The following MYH11 variants were observed in gnomAD, a reference collection of about 807,000 sequenced individuals.
MYH11 encodes myosin heavy chain 11.
In MYH11, 80 loss-of-function variants were observed where a neutral mutation model predicts 246.6. The observed-to-expected ratio is 0.32, with a 90% confidence interval of 0.27 to 0.39. The LOEUF (loss-of-function observed/expected upper bound fraction) is 0.39. Among genes scored for constraint, MYH11 ranks in the 10% least tolerant of loss-of-function variants. The pLI is 1.00. For synonymous variants in MYH11, 1,071 were observed against 1,015.5 expected (o/e 1.05, Z -1.04); for missense variants, 2,158 against 2,546.8 (o/e 0.85, Z 3.29).
At chr16:15,707,747 G>A (rs894379425) in intron 40 of MYH11, among the ~76,000 whole-genome samples, 4 of 152,104 alleles carry the variant, frequency 2.6e-5, no homozygotes, top group African/African-American at 7.2e-5. Context: ...CAAGGCGCGC[G>A]GATCACCTGA....
intron 40 of MYH11, among the ~76,000 whole-genome samples, chr16:15,708,277 A>G (rs949674281): frequency 6.6e-6 from 1 of 152,178 alleles, no homozygotes; most frequent in East Asian, 1.9e-4. Context: ...GAATCATGGG[A>G]GGACTGGTTG....
intron 33 of MYH11, among the ~76,000 whole-genome samples, chr16:15,720,607 C>G (rs1596717394): frequency 6.6e-6 from 1 of 151,478 alleles, no homozygotes; most frequent in African/African-American, 2.4e-5. Flanking sequence ...AAAAAATTAG[C>G]TAGGTATGGT....
chr16:15,722,215 G>A (rs1296832257), intron 31 of MYH11, among the ~76,000 whole-genome samples: 3 of 152,092 alleles, frequency 2.0e-5, no homozygotes, highest in Non-Finnish European at 4.4e-5. Flanking sequence ...GCACACTGAG[G>A]TCAAAGTGAG....
intron 3 of MYH11, among the ~76,000 whole-genome samples, chr16:15,807,911 G>C (rs1266235333): frequency 3.9e-5 from 6 of 152,230 alleles, no homozygotes; most frequent in Non-Finnish European, 2.9e-5. Flanking sequence ...ACACAAGCTG[G>C]TGGATTCTGT....
rs1470490682 is a variant in MYH11 at position 15,715,188 on chromosome 16, C to T, written c.5589G>A (p.Lys1863=). 4 of 1,613,884 alleles carry T rather than the reference C, an allele frequency of 2.5e-6. No homozygotes were observed. The African/African-American group carries it at 5.3e-5, about 22-fold the overall frequency. ...EILLQVEDER[K]MAEQYKEQAE... The stretch of plus-strand genomic sequence containing the variant: ...CCTGCTCCTTGTACTGCTCGGCCAT[C>T]TTGCGCTCGTCCTCCACCTGCAGCA... Residue 1863 remains lysine (K), a synonymous_variant, in exon 39 of 41, where the codon AAG becomes AAA. Coordinates refer to ENST00000300036, the MANE Select transcript of MYH11 (RefSeq NM_002474.3).
chr16:15,782,512 C>A (rs1231332076), intron 5 of MYH11, 35 bp from the exon 6 acceptor site: 4 of 1,558,102 alleles, frequency 2.6e-6, no homozygotes, highest in Non-Finnish European at 3.5e-6. Flanking sequence ...TTGGAGAAAG[C>A]AACCTAGGTC....
rs190189399 is a variant in MYH11, at chr16:15,836,988, G to A, written c.345+920C>T. On this transcript the variant is annotated intron_variant, in intron 2 of 40. Coordinates refer to ENST00000300036, the MANE Select transcript of MYH11 (RefSeq NM_002474.3). ...GATCTACCCGCCTTGGCCTCCCAGC[G>A]TGCTGGGATTACAGGCATGAGTCGC... Among the ~76,000 whole-genome samples, 22 of 152,226 alleles carry A rather than the reference G, an allele frequency of 1.4e-4. No homozygotes were observed. The East Asian group carries it at 2.1e-3, about 15-fold the overall frequency.
chr16:15,712,132 GGA>G (rs1322524338), intron 40 of MYH11, among the ~76,000 whole-genome samples: 1 of 152,208 alleles, frequency 6.6e-6, no homozygotes, highest in African/African-American at 2.4e-5. Flanking sequence ...CTGCTGAGCT[GGA>G]GAGAGGAGCC....
chr16:15,819,612 T>C (rs977638079), intron 3 of MYH11, among the ~76,000 whole-genome samples: 2 of 152,204 alleles, frequency 1.3e-5, no homozygotes, highest in African/African-American at 4.8e-5. Context: ...TGGGACCGTC[T>C]AGTTGCAGGA....
At chr16:15,729,331 C>A (rs1167183342) in intron 27 of MYH11, among the ~76,000 whole-genome samples, 3 of 152,174 alleles carry the variant, frequency 2.0e-5, no homozygotes, top group Admixed American at 6.6e-5. Context: ...GCAAAGGCCT[C>A]TGTTTCCCTG....
At chr16:15,711,701 T>C (rs2039805054) in intron 40 of MYH11, among the ~76,000 whole-genome samples, 1 of 150,258 alleles carries the variant, frequency 6.7e-6, no homozygotes. Flanking sequence ...ACACTGGAGA[T>C]TTTTTTTTTG....
intron 32 of MYH11, 184 bp downstream of exon 32, chr16:15,721,238 A>C: frequency 1.1e-6 from 1 of 936,894 alleles, no homozygotes; most frequent in East Asian, 2.6e-5. Flanking sequence ...CCCCCAACTC[A>C]GACCCATCCT....
At chr16:15,833,757 G>A (rs148085730) in intron 2 of MYH11, among the ~76,000 whole-genome samples, 4 of 152,228 alleles carry the variant, frequency 2.6e-5, no homozygotes, top group Non-Finnish European at 5.9e-5. Flanking sequence ...GCCAGACCAC[G>A]GACCTGGTAT....
intron 22 of MYH11, among the ~76,000 whole-genome samples, chr16:15,740,539 A>G (rs961722159): frequency 6.6e-6 from 1 of 151,502 alleles, no homozygotes; most frequent in African/African-American, 2.4e-5. Context: ...TGAACCCGAG[A>G]GGCAGAGGTT....
intron 4 of MYH11, among the ~76,000 whole-genome samples, chr16:15,795,533 C>T (rs1342622295): frequency 6.6e-6 from 1 of 152,170 alleles, no homozygotes; most frequent in Non-Finnish European, 1.5e-5. Context: ...ATCACTTGAA[C>T]CTGGGAGGTG....
At chr16:15,757,272 T>A (rs1345392513) in intron 13 of MYH11, among the ~76,000 whole-genome samples, 2 of 150,666 alleles carry the variant, frequency 1.3e-5, no homozygotes, top group African/African-American at 4.9e-5. Context: ...TCCTCCCACC[T>A]CAGCCTCCCA....
chr16:15,824,281 C>A (rs950348974), intron 2 of MYH11, among the ~76,000 whole-genome samples: 1 of 144,154 alleles, frequency 6.9e-6, no homozygotes, highest in African/African-American at 2.5e-5. Flanking sequence ...ATGTTGTTTA[C>A]TTTTTTTTTT....
chr16:15,836,549 A>C (rs534115969), intron 2 of MYH11, among the ~76,000 whole-genome samples: 47 of 151,428 alleles, frequency 3.1e-4, no homozygotes, highest in Admixed American at 2.6e-4. Flanking sequence ...ACAGGCGCAC[A>C]CCATCATGCC....
intron 6 of MYH11, 79 bp downstream of exon 6, chr16:15,782,306 G>T: frequency 1.6e-6 from 2 of 1,252,952 alleles, no homozygotes; most frequent in Non-Finnish European, 1.2e-6. Context: ...TCCCACCTCT[G>T]CACGCAAACA....
Sources: gnomAD v4.1 joint callset for allele counts (sites outside exome capture counted in the v4.1 genomes callset) on GRCh38, gnomAD v4.1.1 for gene constraint, MANE v1.5 for transcripts, NCBI Gene and HGNC (gene_info 2026-07-23, HGNC 2026-07-21) for gene names.